The following RBM22 variants were observed in gnomAD, a reference collection of about 807,000 sequenced individuals.
RBM22 encodes the protein pre-mRNA-splicing factor RBM22.
A neutral mutation model predicts 50.1 loss-of-function variants in RBM22; 1 was observed. The observed-to-expected ratio is 0.02, with a 90% CI of 0.01 to 0.09. RBM22 has a LOEUF of 0.09. Ranked by LOEUF, RBM22 falls within the 10% of genes least tolerant of loss-of-function variation. The pLI, the probability that RBM22 is intolerant of heterozygous loss-of-function variation, is 1.00. For synonymous variants in RBM22, 152 were observed against 179.0 expected, an observed-to-expected ratio of 0.85 and a Z score of 1.20; for missense variants, 264 against 529.3, an observed-to-expected ratio of 0.50 and a Z score of 4.92.
intron 2 of RBM22, 56 bp downstream of exon 2, chr5:150,700,388 C>A: frequency 6.6e-7 from 1 of 1,506,402 alleles, no homozygotes; most frequent in Non-Finnish European, 9.2e-7. Context: ...TCACAGTGTG[C>A]AAGTACCACA....
rs965653484 is a variant in RBM22, at chr5:150,696,049, G to A, written c.546-343C>T. On this transcript the variant is annotated intron_variant, in intron 6 of 10. Transcript: ENST00000199814. The surrounding 1 kb of genome is among the most constrained non-coding windows in gnomAD (Gnocchi z 4.3). Reference sequence around the variant, plus strand: ...AGGTCAATGATTCTTAACACATTTGGGGTGCTGTATTCCACTGAGAATCTG... The same window carrying A: ...AGGTCAATGATTCTTAACACATTTGAGGTGCTGTATTCCACTGAGAATCTG... Among the ~76,000 whole-genome samples the A allele has an allele frequency of 6.7e-6, 1 of 149,994 alleles. No homozygotes were observed. Among genetic ancestry groups the A allele is most frequent in the Non-Finnish European group, 1.5e-5 (1 of 67,646 alleles).
At position 150,691,725 on chromosome 5, in the gene RBM22, C is replaced by A; in HGVS notation, c.*26G>T. ...GGAGTTTTAAGTGCCCTTTCTTCCA[C>A]AGAGCCCCAGAGTGGTGACAAGGTG... On this transcript the variant is annotated 3_prime_UTR_variant, in exon 11 of 11. Coordinates refer to ENST00000199814, the MANE Select transcript of RBM22 (RefSeq NM_018047.3). 1 of 1,480,050 alleles carries A rather than the reference C, an allele frequency of 6.8e-7. No individual in the cohort carries two copies. The highest frequency in any genetic ancestry group is 1.5e-5 in the South Asian group (1 of 68,162). 91.7% of individuals were successfully genotyped at this position (1,480,050 alleles called of 1,614,324 possible).
intron 1 of RBM22, 189 bp from the exon 2 acceptor site, chr5:150,700,686 A>T (rs1421578843): frequency 6.5e-7 from 1 of 1,527,598 alleles, no homozygotes; most frequent in South Asian, 1.2e-5. Context: ...GGAGAAAAGA[A>T]AACCAGCTCT....
At chr5:150,697,263 A>T (rs1466985357) in intron 4 of RBM22, among the ~76,000 whole-genome samples, 1 of 152,130 alleles carries the variant, frequency 6.6e-6, no homozygotes, top group Non-Finnish European at 1.5e-5. Flanking sequence ...TTCTACAAAA[A>T]ATACAAAAAT....
intron 1 of RBM22, 54 bp downstream of exon 1, chr5:150,700,878 C>A (rs774603435): frequency 6.2e-7 from 1 of 1,614,110 alleles, no homozygotes; most frequent in South Asian, 1.1e-5. Context: ...TGCCAGCTTG[C>A]AAGGTGCGCG....
chr5:150,694,256 C>T lies in RBM22; in HGVS notation c.747-16G>A. The T allele has an allele frequency of 1.2e-6, 2 of 1,600,018 alleles. No homozygotes were observed. The highest frequency in any genetic ancestry group is 1.7e-6 in the Non-Finnish European group (2 of 1,172,438). ...GAAATGATTTCTGAAGGGAAACAGG[C>T]AGAGAAAAATGAAAGTGGGAGTTAA... On this transcript the variant is annotated splice_polypyrimidine_tract_variant and intron_variant, in intron 7 of 10. Transcript: ENST00000199814.
chr5:150,699,091 T>C (rs1363334248), intron 3 of RBM22, 151 bp downstream of exon 3: 28 of 1,127,568 alleles, frequency 2.5e-5, no homozygotes, highest in East Asian at 1.4e-4. Context: ...ACATAAACAG[T>C]TGCCAGCCAA....
Position 150,694,207 on chromosome 5 carries a change from C to T in RBM22, c.780G>A (p.Thr260=), listed in dbSNP as rs759619162. 2.5e-6 allele frequency: 4 copies of T among 1,613,830 alleles called. No homozygotes were observed. The highest frequency in any genetic ancestry group is 1.6e-4 in the Middle Eastern group (1 of 6,062). Residue 260 remains threonine (T), a synonymous_variant, in exon 8 of 11, where the codon ACG becomes ACA. Transcript: ENST00000199814. Reference sequence around the variant, plus strand: ...ACTGCTGTCTCTGCACAACAGTGATCGTCCGGATCTCTCCGAACTGGTAGA... The same window carrying T: ...ACTGCTGTCTCTGCACAACAGTGATTGTCCGGATCTCTCCGAACTGGTAGA... ...NHFYQFGEIR[T]ITVVQRQQCA...
intron 1 of RBM22, 124 bp downstream of exon 1, chr5:150,700,808 G>A: frequency 6.3e-7 from 1 of 1,593,806 alleles, no homozygotes; most frequent in South Asian, 1.1e-5. Flanking sequence ...CTCCGGCCAA[G>A]CTAGGCCGCC....
intron 4 of RBM22, chr5:150,697,736 T>C (rs1265801252): frequency 2.8e-6 from 1 of 360,380 alleles, no homozygotes; most frequent in Non-Finnish European, 5.3e-6. Context: ...ATTTTTCCCT[T>C]TCCTTTAATA....
At chr5:150,697,745 T>C (rs1347841241) in intron 4 of RBM22, 1 of 349,198 alleles carries the variant, frequency 2.9e-6, no homozygotes, top group Non-Finnish European at 5.5e-6. Context: ...TTTCCTTTAA[T>C]AGTAAAAACT....
At chr5:150,694,589 A>C in intron 7 of RBM22, 1 of 186,822 alleles carries the variant, frequency 5.4e-6, no homozygotes, top group Non-Finnish European at 1.1e-5. Flanking sequence ...TAAAACAAGA[A>C]TACGTGACAG....
intron 7 of RBM22, chr5:150,694,922 C>G (rs1759255208): frequency 6.5e-6 from 1 of 153,228 alleles, no homozygotes; most frequent in Non-Finnish European, 1.5e-5. Context: ...TCTCCCTCCT[C>G]TACATAATTC....
intron 7 of RBM22, chr5:150,694,510 T>C (rs1759249087): frequency 5.2e-6 from 2 of 384,824 alleles, no homozygotes; most frequent in Admixed American, 9.3e-5. Flanking sequence ...ATAGGTTCTT[T>C]AAAGACCCTA....
chr5:150,700,010 G>GGGA (rs1343070945), intron 2 of RBM22, among the ~76,000 whole-genome samples: 2 of 152,248 alleles, frequency 1.3e-5, no homozygotes, highest in East Asian at 3.9e-4. Flanking sequence ...GTAACAAAGG[G>GGGA]GGAATGCTTA....
At position 150,696,915 on chromosome 5, in the gene RBM22, G is replaced by C; in HGVS notation, c.272-24C>G. The C allele has an allele frequency of 1.2e-6, 2 of 1,600,706 alleles. No homozygotes were observed. Among genetic ancestry groups the C allele is most frequent in the Non-Finnish European group, 1.7e-6 (2 of 1,167,930 alleles). ...GCCTGGTACAAAAAAAGAGGAAAAA[G>C]ACCTCAGATGTATTTTAAAACATAT... On this transcript the variant is annotated intron_variant, in intron 4 of 10. Coordinates refer to ENST00000199814, the MANE Select transcript of RBM22 (RefSeq NM_018047.3). The surrounding 1 kb of genome is among the most constrained non-coding windows in gnomAD (Gnocchi z 4.3).
chr5:150,698,718 G>A, intron 3 of RBM22, 87 bp from the exon 4 acceptor site: 1 of 1,499,738 alleles, frequency 6.7e-7, no homozygotes, highest in Non-Finnish European at 9.0e-7. Flanking sequence ...ATTCAAAAAA[G>A]GATCCCTGAA....
chr5:150,694,749 C>T (rs888915351), intron 7 of RBM22: 12 of 152,774 alleles, frequency 7.9e-5, no homozygotes, highest in African/African-American at 2.9e-4. Context: ...ACAGGAGTTT[C>T]TTCTCCACTT....
chr5:150,700,458 G>A lies in RBM22; in HGVS notation c.94C>T (p.Pro32Ser). 6.2e-7 allele frequency: 1 copy of A among 1,613,636 alleles called. No individual in the cohort carries two copies. Among genetic ancestry groups the A allele is most frequent in the Non-Finnish European group, 8.5e-7 (1 of 1,179,564 alleles). ...ILCQTCLGEN[P>S]YIRMTKEKYG... ...CGATCACTCACCATTCGGATATATGGGTTTTCTCCAAGACATGTCTGGCAC... is the reference window on the plus strand; with the variant it reads ...CGATCACTCACCATTCGGATATATGAGTTTTCTCCAAGACATGTCTGGCAC... The change falls in exon 2 of 11, where the codon CCA becomes TCA. Residue 32 changes from proline (P) to serine (S), a missense_variant. By Grantham distance (74) the Pro-to-Ser change is moderately conservative. Coordinates refer to ENST00000199814, the MANE Select transcript of RBM22 (RefSeq NM_018047.3).
Sources: gnomAD v4.1 joint callset for allele counts (sites outside exome capture counted in the v4.1 genomes callset) on GRCh38, gnomAD v4.1.1 for gene constraint, Gnocchi (gnomAD v3.1) non-coding constraint, MANE v1.5 for transcripts, NCBI Gene and HGNC (gene_info 2026-07-23, HGNC 2026-07-21) for gene names.